The following P3H4 variants were observed in gnomAD, a reference collection of about 807,000 sequenced individuals.
P3H4 encodes the protein prolyl 3-hydroxylase family member 4 (inactive).
In P3H4, 47 loss-of-function variants were observed where a neutral mutation model predicts 52.9. That is an observed-to-expected ratio of 0.89 (90% confidence interval 0.70 to 1.13). The LOEUF (loss-of-function observed/expected upper bound fraction) is 1.13. Ranked by LOEUF, P3H4 falls within the 50% of genes most tolerant of loss-of-function variation. The pLI, the probability that P3H4 is intolerant of heterozygous loss-of-function variation, is 0.00. For missense variants in P3H4, 585 were observed against 611.0 expected (o/e 0.96, Z 0.45); for synonymous variants, 256 against 267.9 (o/e 0.96, Z 0.44).
rs1555614237 is a variant in P3H4 at position 41,806,791 on chromosome 17, C to T, written c.1146+5G>A. Reference sequence around the variant, plus strand: ...GCCCAATCCTGGAAAGCAGGAGGCACTCACCTCATCATCTGACTGCAGGTA... The same window carrying T: ...GCCCAATCCTGGAAAGCAGGAGGCATTCACCTCATCATCTGACTGCAGGTA... On this transcript the variant is annotated splice_donor_5th_base_variant and intron_variant, in intron 6 of 7. Coordinates refer to ENST00000393928, the MANE Select transcript of P3H4 (RefSeq NM_006455.3). 1 of 1,612,124 alleles carries T rather than the reference C, an allele frequency of 6.2e-7. No homozygotes were observed. The highest frequency in any genetic ancestry group is 1.7e-5 in the Admixed American group (1 of 59,894).
intron 4 of P3H4, among the ~76,000 whole-genome samples, chr17:41,809,196 G>A (rs2047702982): frequency 1.3e-5 from 2 of 152,158 alleles, no homozygotes; most frequent in Non-Finnish European, 2.9e-5. Flanking sequence ...CTGAGGCAGT[G>A]GATCACCTGA....
At position 41,811,327 on chromosome 17, in the gene P3H4, G is replaced by A; in HGVS notation, c.463-43C>T. 1.2e-6 allele frequency: 2 copies of A among 1,609,534 alleles called. No homozygotes were observed. The highest frequency in any genetic ancestry group is 1.7e-6 in the Non-Finnish European group (2 of 1,178,444). On this transcript the variant is annotated intron_variant, in intron 1 of 7. Transcript: ENST00000393928. This position sits in a 1 kb window ranked among gnomAD's most constrained non-coding sequence, Gnocchi z 4.8. Reference sequence around the variant, plus strand: ...GGTGGGGGAGCGGGTCAGCAAGACCGGAGCTCGCGGCCCCGAGCGCACGGC... The same window carrying A: ...GGTGGGGGAGCGGGTCAGCAAGACCAGAGCTCGCGGCCCCGAGCGCACGGC...
chr17:41,811,370 T>C lies in P3H4; in HGVS notation c.462+84A>G, dbSNP rs1470231093. On this transcript the variant is annotated intron_variant, in intron 1 of 7. Coordinates refer to ENST00000393928, the MANE Select transcript of P3H4 (RefSeq NM_006455.3). This position sits in a 1 kb window ranked among gnomAD's most constrained non-coding sequence, Gnocchi z 4.8. The stretch of plus-strand genomic sequence containing the variant: ...CGCACGGCGGGCTTCGTGCCTTGGG[T>C]GAAGATAACGCTCCTTCGACCGATC... The C allele has an allele frequency of 7.5e-6, 12 of 1,604,372 alleles. No individual in the cohort carries two copies. The Admixed American group carries it at 2.0e-4, about 27-fold the overall frequency.
At position 41,807,920 on chromosome 17, in the gene P3H4, A is replaced by T; in HGVS notation, c.1001T>A (p.Val334Glu). 6.2e-7 allele frequency: 1 copy of T among 1,614,124 alleles called. No individual in the cohort carries two copies. The highest frequency in any genetic ancestry group is 8.5e-7 in the Non-Finnish European group (1 of 1,179,998). ...PKDSVMQQNL[V>E]YYRFHRARWG... is the part of the protein sequence containing the mutation. ...GCGAGCCCGGTGGAACCGGTAATAC[A>T]CCAGGTTCTGCTGCATGACGCTGTC... The change falls in exon 5 of 8, where the codon GTG becomes GAG. Residue 334 changes from valine to glutamate, a missense_variant. By Grantham distance (121) the Val-to-Glu change is moderately radical (BLOSUM62 -2). Transcript: ENST00000393928.
chr17:41,811,224 G>C lies in P3H4; in HGVS notation c.523C>G (p.His175Asp), dbSNP rs1555615035. ...TTGAGATACTTGGCGGTCAGCTCGT[G>C]CTTCGGGTTCCTCTGGAGGAAGGTG... ...AYTFLQRNPK[H>D]ELTAKYLNYY... The change falls in exon 2 of 8, where the codon CAC becomes GAC. Residue 175 changes from histidine (H) to aspartate (D), a missense_variant. Transcript: ENST00000393928. The surrounding 1 kb of genome is among the most constrained non-coding windows in gnomAD (Gnocchi z 4.8). 10 of 1,613,960 alleles carry C rather than the reference G, an allele frequency of 6.2e-6. No individual in the cohort carries two copies. Among genetic ancestry groups the C allele is most frequent in the Non-Finnish European group, 8.5e-6 (10 of 1,180,042 alleles).
At position 41,807,105 on chromosome 17, in the gene P3H4, G is replaced by A. The variant is rs782548324; in HGVS notation, c.1063-226C>T. ...GTCCCTCAATCGATTAGCAATGTCT[G>A]CCACTGACAAGGAAGGCAGGAGTGG... is the stretch of plus-strand genomic sequence containing the variant. On this transcript the variant is annotated intron_variant, in intron 5 of 7. Transcript: ENST00000393928. 3.6e-4 allele frequency: 197 copies of A among 549,724 alleles called. 1 individual carries two copies. The South Asian group carries it at 4.4e-3, about 12-fold the overall frequency. 34.1% of individuals were successfully genotyped at this position (549,724 alleles called of 1,614,324 possible). A position where few individuals can be genotyped will look rare whatever the true frequency, so the allele number is the denominator to read the frequency against.
intron 3 of P3H4, 92 bp from the exon 4 acceptor site, chr17:41,809,926 C>T: frequency 7.0e-7 from 1 of 1,435,084 alleles, no homozygotes; most frequent in South Asian, 1.3e-5. Flanking sequence ...TCTCTGCCTA[C>T]TAAGCCAAGC....
At chr17:41,807,311 T>C (rs1188532867) in intron 5 of P3H4, 1 of 200,612 alleles carries the variant, frequency 5.0e-6, no homozygotes, top group South Asian at 1.1e-4. Flanking sequence ...ACACTGCTGG[T>C]GAGGTGGCAG....
rs1555613744 is a variant in P3H4, at chr17:41,803,310, G to A, written c.1268C>T (p.Ala423Val). The change falls in exon 7 of 8, where the codon GCC becomes GTC. Residue 423 changes from alanine to valine, a missense_variant. Transcript: ENST00000393928. ...MYADWWQEPD[A>V]KGDEAEAEPE... is the part of the protein sequence containing the mutation. ...ACCAGCCTCGGCCTCGTCACCCTTG[G>A]CATCCGGCTCCTGCCACCAGTCAGC... 1 of 1,613,846 alleles carries A rather than the reference G, an allele frequency of 6.2e-7. No homozygotes were observed. The highest frequency in any genetic ancestry group is 8.5e-7 in the Non-Finnish European group (1 of 1,179,926).
Position 41,810,922 on chromosome 17 carries a change from G to A in P3H4, c.728C>T (p.Ala243Val), listed in dbSNP as rs1555614904. ...EYLAVFARCLAGCEGAHEQVD... is the reference protein window; with the variant it reads ...EYLAVFARCLVGCEGAHEQVD... ...CTGCTCATGGGCCCCTTCACAGCCG[G>A]CCAGGCACCGGGCAAAGACTGCCAG... Residue 243 changes from alanine (A) to valine (V), a missense_variant, in exon 3 of 8, where the codon GCC becomes GTC. Transcript: ENST00000393928. The A allele has an allele frequency of 1.9e-6, 3 of 1,614,142 alleles. No individual in the cohort carries two copies.
rs918063109 is a variant in P3H4 at position 41,811,861 on chromosome 17, G to A, written c.55C>T (p.Gln19Ter). 13 of 1,541,838 alleles carry A rather than the reference G, an allele frequency of 8.4e-6. No individual in the cohort carries two copies. Among genetic ancestry groups the A allele is most frequent in the East Asian group, 5.1e-5 (2 of 38,954 alleles). The change falls in exon 1 of 8, where the codon CAG becomes TAG. Residue 19 changes from glutamine (Q) to a stop codon, truncating the protein, a stop_gained. Coordinates refer to ENST00000393928, the MANE Select transcript of P3H4 (RefSeq NM_006455.3). LOFTEE classifies it high-confidence loss of function. The surrounding 1 kb of genome is among the most constrained non-coding windows in gnomAD (Gnocchi z 4.8). ...LWLLLGSAGA[Q>*]YEKYSFRGFP... ...CCCCGGAAGCTGTACTTCTCGTACT[G>A]CGCCCCGGCGCTGCCCAGCAGCAAC...
In P3H4 at chr17:41,809,691, A is replaced by G. The variant is rs782627844; in HGVS notation, c.916+15T>C. ...CCTCGTCCCCTGCCCAAGCCAGCCCACCCAGGGGGCTCACACTTATAGTAG... is the reference window on the plus strand; with the variant it reads ...CCTCGTCCCCTGCCCAAGCCAGCCCGCCCAGGGGGCTCACACTTATAGTAG... On this transcript the variant is annotated intron_variant, in intron 4 of 7. Transcript: ENST00000393928. 5 of 1,611,152 alleles carry G rather than the reference A, an allele frequency of 3.1e-6. No individual in the cohort carries two copies. The South Asian group carries it at 4.4e-5, about 14-fold the overall frequency.
intron 6 of P3H4, among the ~76,000 whole-genome samples, chr17:41,804,005 G>A (rs1555613860): frequency 6.7e-6 from 1 of 150,088 alleles, no homozygotes; most frequent in Non-Finnish European, 1.5e-5. Flanking sequence ...AGGCTGGAGT[G>A]CAGTGGCATG....
chr17:41,802,845 C>G lies in P3H4; in HGVS notation c.*112G>C. 8.6e-7 allele frequency: 1 copy of G among 1,166,748 alleles called. No individual in the cohort carries two copies. Among genetic ancestry groups the G allele is most frequent in the Non-Finnish European group, 1.3e-6 (1 of 796,158 alleles). 72.3% of individuals were successfully genotyped at this position (1,166,748 alleles called of 1,614,324 possible). ...GGGATTACAGGTGTGAGCCACCGCA[C>G]CTGGCCCATCTTAAGTTTTTAATAA... On this transcript the variant is annotated 3_prime_UTR_variant, in exon 8 of 8. Coordinates refer to ENST00000393928, the MANE Select transcript of P3H4 (RefSeq NM_006455.3).
Position 41,811,360 on chromosome 17 carries a change from G to A in P3H4, c.463-76C>T. 1 of 1,605,736 alleles carries A rather than the reference G, an allele frequency of 6.2e-7. No individual in the cohort carries two copies. Among genetic ancestry groups the A allele is most frequent in the East Asian group, 2.2e-5 (1 of 44,806 alleles). ...CGGCCCCGAGCGCACGGCGGGCTTC[G>A]TGCCTTGGGTGAAGATAACGCTCCT... On this transcript the variant is annotated intron_variant, in intron 1 of 7. Transcript: ENST00000393928. The surrounding 1 kb of genome is among the most constrained non-coding windows in gnomAD (Gnocchi z 4.8).
chr17:41,811,680 T>C lies in P3H4; in HGVS notation c.236A>G (p.Asn79Ser). ...GGCCGCGGGCGCGGGGCCGCTGCAG[T>C]TGGCGTGGCAGAAGGCCTCGCTGTC... ...LRDSEAFCHA[N>S]CSGPAPAAKP... The change falls in exon 1 of 8, where the codon AAC (asparagine) becomes AGC (serine). Residue 79 changes from asparagine (N) to serine (S), a missense_variant. Transcript: ENST00000393928. This position sits in a 1 kb window ranked among gnomAD's most constrained non-coding sequence, Gnocchi z 4.8. 1.4e-6 allele frequency: 2 copies of C among 1,441,682 alleles called. No homozygotes were observed. Among genetic ancestry groups the C allele is most frequent in the South Asian group, 2.9e-5 (2 of 69,680 alleles). The allele number at this position is 1,441,682 out of a possible 1,614,324, so 89.3% of individuals were successfully genotyped here.
At chr17:41,808,327 C>T (rs1350900029) in intron 4 of P3H4, among the ~76,000 whole-genome samples, 1 of 152,176 alleles carries the variant, frequency 6.6e-6, no homozygotes, top group Non-Finnish European at 1.5e-5. Flanking sequence ...GATCCTCTCA[C>T]CTCAGCCTCC....
At chr17:41,807,235 G>A (rs868945455) in intron 5 of P3H4, 128 of 319,354 alleles carry the variant, frequency 4.0e-4, no homozygotes, top group African/African-American at 2.6e-3. Context: ...TCAGCAGTGA[G>A]GGTAATGAAG....
At position 41,806,894 on chromosome 17, in the gene P3H4, G is replaced by GGAC; in HGVS notation, c.1063-18_1063-16dup. The GGAC allele has an allele frequency of 6.2e-7, 1 of 1,606,564 alleles. No individual in the cohort carries two copies. The highest frequency in any genetic ancestry group is 8.5e-7 in the Non-Finnish European group (1 of 1,174,714). On this transcript the variant is annotated splice_polypyrimidine_tract_variant and intron_variant, in intron 5 of 7. Transcript: ENST00000393928. ...AGCATGGCCTCCTGGAAGGAGGGAA[G>GGAC]GACGGGGTGGGGGGTGAGCCATACC...
Sources: gnomAD v4.1 joint callset for allele counts (sites outside exome capture counted in the v4.1 genomes callset) on GRCh38, gnomAD v4.1.1 for gene constraint, Gnocchi (gnomAD v3.1) non-coding constraint, MANE v1.5 for transcripts, NCBI Gene and HGNC (gene_info 2026-07-23, HGNC 2026-07-21) for gene names.